Variants in PLCL2 observed in about 807,000 individuals in gnomAD.
The protein encoded by PLCL2 is phospholipase C like 2.
In PLCL2, 4 loss-of-function variants were observed where a neutral mutation model predicts 79.6. That is an observed-to-expected ratio of 0.05 (90% CI 0.02 to 0.11). The LOEUF is 0.11. Among genes scored for constraint, PLCL2 ranks in the 10% least tolerant of loss-of-function variants. PLCL2 has a pLI of 1.00. For missense variants in PLCL2, 895 were observed against 1,291.0 expected (o/e 0.69, Z 4.70); for synonymous variants, 484 against 457.7 (o/e 1.06, Z -0.73).
intron 1 of PLCL2, among the ~76,000 whole-genome samples, chr3:16,949,213 T>C (rs539705428): frequency 2.9e-4 from 44 of 152,244 alleles, no homozygotes; most frequent in African/African-American, 1.0e-3. Flanking sequence ...AAAGATAGAA[T>C]TGCTGGGTAG....
chr3:16,908,095 C>G (rs1696791532), intron 1 of PLCL2, among the ~76,000 whole-genome samples: 1 of 152,104 alleles, frequency 6.6e-6, no homozygotes, highest in South Asian at 2.1e-4. Context: ...TTTTCTGTCT[C>G]TCTATTTAAA....
rs551320460 is a variant in PLCL2 at position 17,042,738 on chromosome 3, T to A, written c.3019-136T>A. On this transcript the variant is annotated intron_variant, in intron 3 of 5. Coordinates refer to ENST00000615277, the MANE Select transcript of PLCL2 (RefSeq NM_001144382.2). ...TCATTTTCACATGCACATTTGAAGT[T>A]GAGTAGTGGAAAGTCAGATAAAAAA... The A allele has an allele frequency of 2.2e-4, 140 of 644,372 alleles. 1 individual carries two copies. In the East Asian group the frequency reaches 3.6e-3, roughly 16 times the overall value. 39.9% of individuals were successfully genotyped at this position (644,372 alleles called of 1,614,324 possible).
At chr3:17,014,486 G>C (rs1479209499) in intron 2 of PLCL2, among the ~76,000 whole-genome samples, 4 of 152,124 alleles carry the variant, frequency 2.6e-5, no homozygotes, top group African/African-American at 4.8e-5. Flanking sequence ...TGCATTTTCA[G>C]TACTTTTGAT....
chr3:16,884,976 AGGC>A lies in PLCL2; in HGVS notation c.-55_-53del. 1 of 170,614 alleles carries A rather than the reference AGGC, an allele frequency of 5.9e-6. No homozygotes were observed. Among genetic ancestry groups the A allele is most frequent in the Non-Finnish European group, 1.2e-5 (1 of 82,858 alleles). The allele number at this position is 170,614 out of a possible 1,614,324, so 10.6% of individuals were successfully genotyped here. Reference sequence around the variant, plus strand: ...AGGAGGGGCCGCGCGCGGCGGCCCGAGGCGGCGGCGGGGACGCGGGGACGCGAG... The same window carrying A: ...AGGAGGGGCCGCGCGCGGCGGCCCGAGGCGGCGGGGACGCGGGGACGCGAG... On this transcript the variant is annotated 5_prime_UTR_variant, in exon 1 of 6. Coordinates refer to ENST00000615277, the MANE Select transcript of PLCL2 (RefSeq NM_001144382.2). The surrounding 1 kb of genome is among the most constrained non-coding windows in gnomAD (Gnocchi z 9.3).
At chr3:16,977,377 C>A (rs997924393) in intron 1 of PLCL2, among the ~76,000 whole-genome samples, 1 of 152,166 alleles carries the variant, frequency 6.6e-6, no homozygotes, top group African/African-American at 2.4e-5. Context: ...TCAGACCACA[C>A]CACACTAGCT....
intron 1 of PLCL2, among the ~76,000 whole-genome samples, chr3:16,977,710 C>G (rs2063941164): frequency 6.6e-6 from 1 of 152,112 alleles, no homozygotes; most frequent in Non-Finnish European, 1.5e-5. Context: ...CTCCAGTAGT[C>G]CTTTTGTATT....
chr3:16,952,382 A>AAAAAAAAAAAAAAAAAAAAAAC (rs2063662904), intron 1 of PLCL2, among the ~76,000 whole-genome samples: 1 of 149,310 alleles, frequency 6.7e-6, no homozygotes, highest in African/African-American at 2.4e-5. Flanking sequence ...AAAAAAAAAA[A>AAAAAAAAAAAAAAAAAAAAAAC]AAAAAAAAAG....
chr3:16,971,915 C>G (rs141229961), intron 1 of PLCL2, among the ~76,000 whole-genome samples: 3,175 of 152,136 alleles, frequency 0.021, 54 homozygotes, highest in South Asian at 0.043. Context: ...ATAAACAGAA[C>G]CAAAGACAAA....
chr3:16,917,329 C>T (rs2124932057), intron 1 of PLCL2, among the ~76,000 whole-genome samples: 1 of 152,252 alleles, frequency 6.6e-6, no homozygotes, highest in South Asian at 2.1e-4. Flanking sequence ...TCAAAACATG[C>T]TCATTTGGTT....
At chr3:16,991,230 C>G (rs1298790426) in intron 1 of PLCL2, among the ~76,000 whole-genome samples, 1 of 152,162 alleles carries the variant, frequency 6.6e-6, no homozygotes, top group African/African-American at 2.4e-5. Context: ...ACTGACCTGC[C>G]TGGGTACTAT....
chr3:17,089,730 T>C lies in PLCL2; in HGVS notation c.3205-3T>C. 1 of 1,574,968 alleles carries C rather than the reference T, an allele frequency of 6.3e-7. No individual in the cohort carries two copies. The highest frequency in any genetic ancestry group is 8.7e-7 in the Non-Finnish European group (1 of 1,147,154). Reference sequence around the variant, plus strand: ...TACTGTTTAATTGCATGTTTTGTTATAGGGACAAGCAGATCTTTTGAAATA... The same window carrying C: ...TACTGTTTAATTGCATGTTTTGTTACAGGGACAAGCAGATCTTTTGAAATA... On this transcript the variant is annotated splice_polypyrimidine_tract_variant and splice_region_variant and intron_variant, in intron 5 of 5. Coordinates refer to ENST00000615277, the MANE Select transcript of PLCL2 (RefSeq NM_001144382.2).
intron 1 of PLCL2, among the ~76,000 whole-genome samples, chr3:17,001,674 T>C (rs1352574426): frequency 6.6e-6 from 1 of 152,078 alleles, no homozygotes; most frequent in East Asian, 1.9e-4. Context: ...AATGCATTGA[T>C]TTATTTCTGG....
intron 1 of PLCL2, among the ~76,000 whole-genome samples, chr3:17,006,441 A>G (rs1187414062): frequency 3.9e-5 from 6 of 152,230 alleles, no homozygotes; most frequent in Non-Finnish European, 7.3e-5. Context: ...GCTCCCAGCC[A>G]GAGATTCTGG....
intron 1 of PLCL2, among the ~76,000 whole-genome samples, chr3:16,994,232 G>T (rs1322370720): frequency 1.3e-5 from 2 of 152,204 alleles, no homozygotes; most frequent in Admixed American, 6.5e-5. Context: ...GAAAATGGCA[G>T]AACTGGACCT....
At chr3:17,002,666 T>C (rs1419565300) in intron 1 of PLCL2, among the ~76,000 whole-genome samples, 3 of 152,150 alleles carry the variant, frequency 2.0e-5, no homozygotes, top group Non-Finnish European at 4.4e-5. Context: ...TAGGACATTA[T>C]CTCTTCAAAT....
chr3:17,020,259 G>A (rs1186757680), intron 3 of PLCL2, among the ~76,000 whole-genome samples: 3 of 152,088 alleles, frequency 2.0e-5, no homozygotes, highest in East Asian at 1.9e-4. Context: ...ATTTTGTGAC[G>A]TATTACATAA....
chr3:16,926,974 A>G (rs1697271913), intron 1 of PLCL2, among the ~76,000 whole-genome samples: 1 of 152,284 alleles, frequency 6.6e-6, no homozygotes, highest in South Asian at 2.1e-4. Flanking sequence ...GGGTGGCTGA[A>G]AAAAATCAAT....
intron 5 of PLCL2, among the ~76,000 whole-genome samples, chr3:17,075,408 T>TA (rs2065099458): frequency 6.6e-6 from 1 of 152,090 alleles, no homozygotes; most frequent in Non-Finnish European, 1.5e-5. Flanking sequence ...CAATAACTAA[T>TA]ATAATAATAG....
intron 1 of PLCL2, among the ~76,000 whole-genome samples, chr3:16,999,097 C>G (rs2064181842): frequency 6.6e-6 from 1 of 152,148 alleles, no homozygotes; most frequent in Admixed American, 6.5e-5. Context: ...AATACTTATA[C>G]AAGACTTAAA....
Sources: allele counts gnomAD v4.1 joint callset (sites outside exome capture counted in the v4.1 genomes callset), GRCh38; gene constraint gnomAD v4.1.1; non-coding constraint Gnocchi (gnomAD v3.1); transcripts MANE v1.5; gene names NCBI Gene and HGNC (gene_info 2026-07-23, HGNC 2026-07-21).